ADGRB3: variants seen among roughly 807,000 people sequenced by gnomAD.
The protein encoded by ADGRB3 is adhesion G protein-coupled receptor B3.
A neutral mutation model predicts 193.4 loss-of-function variants in ADGRB3; 37 were observed. That is an observed-to-expected ratio of 0.19 (90% confidence interval 0.15 to 0.25). ADGRB3 has a LOEUF of 0.25. Among genes scored for constraint, ADGRB3 ranks in the 10% least tolerant of loss-of-function variants. The pLI is 1.00. For synonymous variants in ADGRB3, 690 were observed against 644.2 expected (o/e 1.07, Z -1.08); for missense variants, 1,637 against 1,852.9 (o/e 0.88, Z 2.14).
intron 15 of ADGRB3, among the ~76,000 whole-genome samples, chr6:69,052,042 C>T (rs1218069350): frequency 5.3e-5 from 8 of 152,160 alleles, no homozygotes; most frequent in African/African-American, 1.4e-4. Flanking sequence ...AGGCGCCCAC[C>T]ACCACGCCGG....
chr6:68,949,017 A>G (rs145426425), intron 6 of ADGRB3, among the ~76,000 whole-genome samples: 36 of 152,222 alleles, frequency 2.4e-4, no homozygotes, highest in African/African-American at 8.7e-4. Context: ...TTACCCCTCT[A>G]TATTACAGGA....
chr6:69,273,447 T>C (rs1327559820), intron 20 of ADGRB3, among the ~76,000 whole-genome samples: 1 of 152,158 alleles, frequency 6.6e-6, no homozygotes, highest in Non-Finnish European at 1.5e-5. Flanking sequence ...CCAAGTAGAT[T>C]ATATTATGGA....
intron 3 of ADGRB3, among the ~76,000 whole-genome samples, chr6:68,683,757 T>A (rs1344114533): frequency 6.6e-6 from 1 of 152,214 alleles, no homozygotes; most frequent in Non-Finnish European, 1.5e-5. Flanking sequence ...TTTAAGTTTA[T>A]AAATACCTGC....
intron 19 of ADGRB3, among the ~76,000 whole-genome samples, chr6:69,237,261 G>C (rs1002131600): frequency 8.6e-5 from 13 of 151,920 alleles, no homozygotes; most frequent in Non-Finnish European, 1.5e-4. Flanking sequence ...TCAGTAAAAA[G>C]TTTAGAAATT....
At chr6:68,968,622 A>G (rs1029736773) in intron 8 of ADGRB3, among the ~76,000 whole-genome samples, 24 of 152,230 alleles carry the variant, frequency 1.6e-4, no homozygotes, top group African/African-American at 5.5e-4. Context: ...AGTGGGATGT[A>G]TGGATGGAGC....
chr6:69,077,678 C>G (rs1358210480), intron 17 of ADGRB3, among the ~76,000 whole-genome samples: 1 of 151,968 alleles, frequency 6.6e-6, no homozygotes, highest in Non-Finnish European at 1.5e-5. Context: ...AATCACACCT[C>G]CCTAACATCT....
chr6:69,003,290 T>C (rs1769639265), intron 11 of ADGRB3, among the ~76,000 whole-genome samples: 1 of 152,208 alleles, frequency 6.6e-6, no homozygotes, highest in South Asian at 2.1e-4. Flanking sequence ...AAAGGTTGAA[T>C]GTTTCTCATG....
At chr6:69,138,609 G>T (rs1449665001) in intron 17 of ADGRB3, among the ~76,000 whole-genome samples, 1 of 152,098 alleles carries the variant, frequency 6.6e-6, no homozygotes, top group Non-Finnish European at 1.5e-5. Flanking sequence ...AGGTTCTTTG[G>T]TGGTTAAAAT....
chr6:68,800,135 A>G (rs1019276402), intron 3 of ADGRB3, among the ~76,000 whole-genome samples: 3 of 152,126 alleles, frequency 2.0e-5, no homozygotes, highest in Non-Finnish European at 4.4e-5. Context: ...TGGACTAGGA[A>G]GATAGTGAGG....
chr6:68,817,787 A>G (rs1194480199), intron 3 of ADGRB3, among the ~76,000 whole-genome samples: 1 of 152,058 alleles, frequency 6.6e-6, no homozygotes, highest in African/African-American at 2.4e-5. Context: ...GGCAACTAAA[A>G]ACAGTGGTAT....
intron 17 of ADGRB3, among the ~76,000 whole-genome samples, chr6:69,187,319 A>G (rs1044696018): frequency 2.6e-5 from 4 of 152,188 alleles, no homozygotes; most frequent in African/African-American, 7.2e-5. Context: ...CGGGCCAGAC[A>G]TAAGAATTTT....
chr6:69,007,906 A>G (rs1769813364), intron 11 of ADGRB3, among the ~76,000 whole-genome samples: 1 of 152,114 alleles, frequency 6.6e-6, no homozygotes, highest in African/African-American at 2.4e-5. Context: ...TGGCAGGTTC[A>G]GTTGTCTAGT....
At chr6:68,946,538 T>C (rs185927324) in intron 6 of ADGRB3, among the ~76,000 whole-genome samples, 6 of 152,280 alleles carry the variant, frequency 3.9e-5, no homozygotes, top group Non-Finnish European at 5.9e-5. Flanking sequence ...CAACATTTTT[T>C]CTAACCATAC....
intron 3 of ADGRB3, among the ~76,000 whole-genome samples, chr6:68,772,894 AATATATATATATATATATATAT>A (rs1208790675): frequency 9.2e-4 from 21 of 22,884 alleles, no homozygotes; most frequent in African/African-American, 3.3e-3. Flanking sequence ...AAAAAAAAAA[AATATATATATATATATATATAT>A]ATATATATAT....
chr6:69,226,114 A>G (rs61169638), intron 17 of ADGRB3, among the ~76,000 whole-genome samples: 11 of 152,196 alleles, frequency 7.2e-5, no homozygotes, highest in Non-Finnish European at 1.3e-4. Context: ...AATAATGTTC[A>G]TGACCTCAAG....
intron 20 of ADGRB3, among the ~76,000 whole-genome samples, chr6:69,307,669 G>A (rs1768095792): frequency 2.0e-5 from 3 of 151,312 alleles, no homozygotes; most frequent in African/African-American, 7.3e-5. Context: ...TACTACAAAA[G>A]GTAGGACTTT....
chr6:69,299,313 T>C (rs2127295925), intron 20 of ADGRB3, among the ~76,000 whole-genome samples: 1 of 151,968 alleles, frequency 6.6e-6, no homozygotes, highest in South Asian at 2.1e-4. Context: ...TACATTCTGG[T>C]ATGGGTAGTT....
At chr6:69,272,729 C>A (rs62408280) in intron 20 of ADGRB3, among the ~76,000 whole-genome samples, 4 of 152,092 alleles carry the variant, frequency 2.6e-5, no homozygotes, top group African/African-American at 9.7e-5. Flanking sequence ...ACAACAGACA[C>A]AAGAGATGAT....
chr6:68,909,062 A>T (rs1766626968), intron 3 of ADGRB3, among the ~76,000 whole-genome samples: 1 of 152,062 alleles, frequency 6.6e-6, no homozygotes, highest in South Asian at 2.1e-4. Context: ...GACATTGGAG[A>T]TTTTAATTAA....
Sources: allele counts gnomAD v4.1 joint callset (sites outside exome capture counted in the v4.1 genomes callset), GRCh38; gene constraint gnomAD v4.1.1; transcripts MANE v1.5; gene names NCBI Gene and HGNC (gene_info 2026-07-23, HGNC 2026-07-21).